The following HHAT variants were observed in gnomAD, a reference collection of about 807,000 sequenced individuals.
HHAT encodes the protein hedgehog acyltransferase.
Under a neutral mutation model 70.8 loss-of-function variants are expected in HHAT, and 47 were observed. That is an observed-to-expected ratio of 0.66 (90% CI 0.53 to 0.85). The LOEUF is 0.85. HHAT is among the 40% of genes least tolerant of loss of function. The probability of loss-of-function intolerance (pLI) is 0.00; values close to 1 mark genes in which losing one functional copy is unlikely to be tolerated. For synonymous variants in HHAT, 228 were observed against 247.6 expected, an observed-to-expected ratio of 0.92 and a Z score of 0.74; for missense variants, 609 against 604.8, an observed-to-expected ratio of 1.01 and a Z score of -0.07.
At chr1:210,349,652 CTT>C (rs34752131) in intron 2 of HHAT, among the ~76,000 whole-genome samples, 18 of 135,888 alleles carry the variant, frequency 1.3e-4, no homozygotes, top group Middle Eastern at 3.8e-3. Context: ...CTACCTAAAA[CTT>C]TTTTTTTTTT....
intron 11 of HHAT, among the ~76,000 whole-genome samples, chr1:210,641,392 A>G (rs1672943353): frequency 1.3e-5 from 2 of 152,200 alleles, no homozygotes; most frequent in African/African-American, 4.8e-5. Context: ...TCCCCTTTAG[A>G]GTAACCAATA....
intron 9 of HHAT, among the ~76,000 whole-genome samples, chr1:210,545,549 G>A (rs748032235): frequency 2.0e-5 from 3 of 148,838 alleles, no homozygotes; most frequent in Middle Eastern, 3.5e-3. Context: ...TGATTCTCCT[G>A]CCCCAGCCTC....
chr1:210,345,819 C>G (rs1271048260), intron 1 of HHAT, among the ~76,000 whole-genome samples: 1 of 152,148 alleles, frequency 6.6e-6, no homozygotes, highest in Non-Finnish European at 1.5e-5. Context: ...TGCAGTGGCT[C>G]ACGCCTGTAA....
chr1:210,329,152 A>AG, intron 1 of HHAT, 48 bp downstream of exon 1: 1 of 1,268,844 alleles, frequency 7.9e-7, no homozygotes, highest in Non-Finnish European at 1.0e-6. Flanking sequence ...TAGATGCTGA[A>AG]TTTTCTGCGT....
chr1:210,380,263 G>A (rs2090529164), intron 3 of HHAT, among the ~76,000 whole-genome samples: 1 of 152,180 alleles, frequency 6.6e-6, no homozygotes, highest in African/African-American at 2.4e-5. Flanking sequence ...AGTGGGGACT[G>A]GGTCTGGTGG....
chr1:210,633,824 G>A (rs151211549), intron 11 of HHAT, among the ~76,000 whole-genome samples: 1,615 of 152,238 alleles, frequency 0.011, 10 homozygotes, highest in Non-Finnish European at 0.016. Context: ...TCCCCTGGGC[G>A]CTTGCTGGCG....
At chr1:210,614,306 G>A (rs1370912152) in intron 10 of HHAT, among the ~76,000 whole-genome samples, 3 of 151,958 alleles carry the variant, frequency 2.0e-5, no homozygotes, top group Non-Finnish European at 2.9e-5. Context: ...TAAATTTTTG[G>A]TAGAATTTTT....
intron 6 of HHAT, among the ~76,000 whole-genome samples, chr1:210,410,210 G>A (rs780597454): frequency 1.1e-3 from 172 of 151,350 alleles, no homozygotes; most frequent in Non-Finnish European, 1.7e-3. Flanking sequence ...CAGCCACCAC[G>A]CCCAGCTAAT....
chr1:210,504,915 T>C (rs2094824775), intron 8 of HHAT, among the ~76,000 whole-genome samples: 1 of 149,882 alleles, frequency 6.7e-6, no homozygotes, highest in Non-Finnish European at 1.5e-5. Context: ...TTTTTTTTTT[T>C]TTTTTGAGAC....
intron 6 of HHAT, among the ~76,000 whole-genome samples, chr1:210,417,551 A>G (rs4845017): frequency 0.18 from 26,681 of 152,110 alleles, 2,994 homozygotes; most frequent in Admixed American, 0.33. Context: ...TACATTTTCT[A>G]AAGTCTGTAT....
chr1:210,484,223 C>T (rs1361952275), intron 8 of HHAT, among the ~76,000 whole-genome samples: 1 of 152,160 alleles, frequency 6.6e-6, no homozygotes, highest in Non-Finnish European at 1.5e-5. Flanking sequence ...CTTCTTTAAT[C>T]TGGAAAATGT....
At chr1:210,410,104 G>A (rs371804373) in intron 6 of HHAT, among the ~76,000 whole-genome samples, 123 of 151,896 alleles carry the variant, frequency 8.1e-4, no homozygotes, top group Non-Finnish European at 1.6e-3. Context: ...CCAGGATGGA[G>A]TGCAGTGCTG....
intron 7 of HHAT, among the ~76,000 whole-genome samples, chr1:210,453,843 T>C (rs556043546): frequency 6.6e-6 from 1 of 152,288 alleles, no homozygotes; most frequent in African/African-American, 2.4e-5. Flanking sequence ...TTAGGCAAAG[T>C]GAGTGATGGA....
chr1:210,452,969 CCTGT>C (rs897781418), intron 7 of HHAT, among the ~76,000 whole-genome samples: 1 of 152,150 alleles, frequency 6.6e-6, no homozygotes, highest in African/African-American at 2.4e-5. Context: ...AGATTAAAAA[CCTGT>C]CTAAGTGTAA....
chr1:210,416,424 G>A (rs1040166616), intron 6 of HHAT, among the ~76,000 whole-genome samples: 1 of 152,218 alleles, frequency 6.6e-6, no homozygotes, highest in Admixed American at 6.5e-5. Flanking sequence ...ATAAAATCTT[G>A]TCATTGTGAG....
intron 7 of HHAT, among the ~76,000 whole-genome samples, chr1:210,446,083 G>A (rs1479061646): frequency 1.3e-5 from 2 of 152,210 alleles, no homozygotes; most frequent in African/African-American, 4.8e-5. Context: ...GCAGCCAACT[G>A]TGGGAAGAGC....
At chr1:210,651,021 C>T (rs1411298667) in intron 11 of HHAT, among the ~76,000 whole-genome samples, 1 of 152,192 alleles carries the variant, frequency 6.6e-6, no homozygotes, top group Non-Finnish European at 1.5e-5. Flanking sequence ...CACACAATCT[C>T]ATCCCTAGGG....
chr1:210,542,732 C>G (rs1402190327), intron 9 of HHAT, among the ~76,000 whole-genome samples: 1 of 152,038 alleles, frequency 6.6e-6, no homozygotes, highest in African/African-American at 2.4e-5. Flanking sequence ...CCCAGGAGCT[C>G]AAGGCTGTGG....
At chr1:210,440,821 G>T (rs1404863665) in intron 7 of HHAT, among the ~76,000 whole-genome samples, 1 of 149,432 alleles carries the variant, frequency 6.7e-6, no homozygotes, top group East Asian at 1.9e-4. Context: ...AGGTTCCCTA[G>T]TTTTTCCTGA....
Sources: gnomAD v4.1 joint callset for allele counts (sites outside exome capture counted in the v4.1 genomes callset) on GRCh38, gnomAD v4.1.1 for gene constraint, MANE v1.5 for transcripts, NCBI Gene and HGNC (gene_info 2026-07-23, HGNC 2026-07-21) for gene names.